Variants in LRRC4C observed in about 807,000 individuals in gnomAD.
LRRC4C encodes the protein leucine rich repeat containing 4C.
Under a neutral mutation model 33.6 loss-of-function variants are expected in LRRC4C, and 5 were observed. The ratio of observed to expected loss-of-function variants is 0.15; its 90% CI spans 0.08 to 0.31. LRRC4C has a LOEUF of 0.31. Among genes scored for constraint, LRRC4C ranks in the 10% least tolerant of loss-of-function variants. The probability of loss-of-function intolerance (pLI) is 1.00; values close to 1 mark genes in which losing one functional copy is unlikely to be tolerated. For missense variants in LRRC4C, 560 were observed against 796.7 expected (o/e 0.70, Z 3.58); for synonymous variants, 329 against 302.0 (o/e 1.09, Z -0.93).
chr11:40,728,422 G>A (rs995448435), intron 2 of LRRC4C, among the ~76,000 whole-genome samples: 14 of 151,432 alleles, frequency 9.2e-5, no homozygotes, highest in Middle Eastern at 3.4e-3. Flanking sequence ...TGGCTAACAC[G>A]GTGAAACCCC....
intron 3 of LRRC4C, among the ~76,000 whole-genome samples, chr11:40,551,715 G>A (rs1328515448): frequency 6.6e-6 from 1 of 151,906 alleles, no homozygotes. Context: ...ACTTCATCTG[G>A]TAGAATATAA....
At chr11:40,555,151 G>A (rs1846124667) in intron 3 of LRRC4C, among the ~76,000 whole-genome samples, 1 of 152,134 alleles carries the variant, frequency 6.6e-6, no homozygotes, top group Non-Finnish European at 1.5e-5. Context: ...GTTTTTTGGT[G>A]GAGTCTTTAG....
At chr11:40,278,682 C>A (rs1029493910) in intron 4 of LRRC4C, among the ~76,000 whole-genome samples, 3 of 152,136 alleles carry the variant, frequency 2.0e-5, no homozygotes, top group Non-Finnish European at 4.4e-5. Context: ...TACCTATATA[C>A]AATGTAGCAT....
chr11:40,874,910 T>C (rs1036504328), intron 2 of LRRC4C, among the ~76,000 whole-genome samples: 2 of 152,220 alleles, frequency 1.3e-5, no homozygotes, highest in Non-Finnish European at 2.9e-5. Flanking sequence ...GTTTACAAAA[T>C]GATGGTTCTG....
At chr11:40,759,587 T>G (rs1264929379) in intron 2 of LRRC4C, among the ~76,000 whole-genome samples, 2 of 151,846 alleles carry the variant, frequency 1.3e-5, no homozygotes, top group Non-Finnish European at 2.9e-5. Flanking sequence ...CTCAGTTACT[T>G]TTGCAGCAAC....
chr11:41,050,699 C>T (rs1185614050), intron 1 of LRRC4C, among the ~76,000 whole-genome samples: 1 of 152,092 alleles, frequency 6.6e-6, no homozygotes, highest in Non-Finnish European at 1.5e-5. Context: ...CACTGATGGG[C>T]ATTTGGGGTG....
intron 1 of LRRC4C, among the ~76,000 whole-genome samples, chr11:40,980,200 T>C (rs550942844): frequency 6.6e-6 from 1 of 152,174 alleles, no homozygotes; most frequent in African/African-American, 2.4e-5. Context: ...ACAAAAGCAC[T>C]AAAATGGGAA....
At chr11:40,686,678 A>AT (rs1036381913) in intron 2 of LRRC4C, among the ~76,000 whole-genome samples, 29 of 152,052 alleles carry the variant, frequency 1.9e-4, no homozygotes, top group Non-Finnish European at 3.5e-4. Flanking sequence ...GTTCAAAATA[A>AT]TTTTTTTAAA....
chr11:41,181,758 A>T (rs1945460570), intron 1 of LRRC4C, among the ~76,000 whole-genome samples: 1 of 152,222 alleles, frequency 6.6e-6, no homozygotes, highest in Admixed American at 6.5e-5. Flanking sequence ...ATCATCTTCC[A>T]TTAATGAGGT....
At chr11:41,171,058 C>T (rs1590826986) in intron 1 of LRRC4C, among the ~76,000 whole-genome samples, 1 of 151,906 alleles carries the variant, frequency 6.6e-6, no homozygotes, top group African/African-American at 2.4e-5. Context: ...AATGAGATAC[C>T]ATCTCACACC....
At position 40,557,679 on chromosome 11, in the gene LRRC4C, C is replaced by CGT. The variant is rs35856491; in HGVS notation, c.-270+90461_-270+90462dup. 4.9e-3 allele frequency among the ~76,000 whole-genome samples: 728 copies of CGT among 149,356 alleles called. 2 individuals carry two copies. The highest frequency in any genetic ancestry group is 0.018 in the East Asian group (90 of 5,108). On this transcript the variant is annotated intron_variant, in intron 3 of 6. Transcript: ENST00000528697. ...GACATTTTTACACTGTCTATAGAGG[C>CGT]GTGTGTGTGTGTGTGTGTGTGTAAA...
intron 1 of LRRC4C, among the ~76,000 whole-genome samples, chr11:41,151,730 A>G (rs1268623067): frequency 2.0e-5 from 3 of 152,222 alleles, no homozygotes; most frequent in Non-Finnish European, 4.4e-5. Context: ...TGTCATACAT[A>G]AGGCACTCAC....
chr11:41,332,294 T>A (rs1279488593), intron 1 of LRRC4C, among the ~76,000 whole-genome samples: 1 of 152,194 alleles, frequency 6.6e-6, no homozygotes, highest in Non-Finnish European at 1.5e-5. Flanking sequence ...CTAGAGTTCA[T>A]GTCAATTGTG....
intron 1 of LRRC4C, among the ~76,000 whole-genome samples, chr11:41,187,253 C>G (rs929095409): frequency 6.6e-5 from 10 of 152,156 alleles, no homozygotes; most frequent in Admixed American, 2.6e-4. Context: ...CTTGGCCCAC[C>G]ACACCCCCAT....
chr11:40,400,960 T>C (rs1049816681), intron 3 of LRRC4C, among the ~76,000 whole-genome samples: 3 of 152,158 alleles, frequency 2.0e-5, no homozygotes, highest in Non-Finnish European at 2.9e-5. Flanking sequence ...AATGACTATC[T>C]TGTTTAATTT....
At chr11:40,350,641 AT>A (rs1206674275) in intron 3 of LRRC4C, among the ~76,000 whole-genome samples, 1 of 152,078 alleles carries the variant, frequency 6.6e-6, no homozygotes, top group Non-Finnish European at 1.5e-5. Flanking sequence ...TGCCATTGGT[AT>A]TTTGATAAGG....
intron 1 of LRRC4C, among the ~76,000 whole-genome samples, chr11:41,444,797 T>A (rs1279315692): frequency 1.6e-5 from 2 of 127,954 alleles, no homozygotes; most frequent in African/African-American, 6.4e-5. Context: ...GGACAGGAAG[T>A]CTAACTTAAT....
intron 1 of LRRC4C, among the ~76,000 whole-genome samples, chr11:41,056,847 A>G (rs955878210): frequency 6.6e-6 from 1 of 152,234 alleles, no homozygotes; most frequent in African/African-American, 2.4e-5. Flanking sequence ...AGCCACTGCC[A>G]TCACACCAGC....
chr11:40,320,313 G>A (rs1031998821), intron 3 of LRRC4C, among the ~76,000 whole-genome samples: 1 of 152,116 alleles, frequency 6.6e-6, no homozygotes, highest in African/African-American at 2.4e-5. Flanking sequence ...AGACCATCCT[G>A]TCTAACACGG....
Sources: allele counts gnomAD v4.1 joint callset (sites outside exome capture counted in the v4.1 genomes callset), GRCh38; gene constraint gnomAD v4.1.1; transcripts MANE v1.5; gene names NCBI Gene and HGNC (gene_info 2026-07-23, HGNC 2026-07-21).